The following HPS3 variants were observed in gnomAD, a reference collection of about 807,000 sequenced individuals.
HPS3 encodes the protein BLOC-2 complex member HPS3.
A neutral mutation model predicts 110.9 loss-of-function variants in HPS3; 79 were observed. The observed-to-expected ratio is 0.71, with a 90% CI of 0.59 to 0.86. The LOEUF is 0.86. Among genes scored for constraint, HPS3 ranks in the 40% least tolerant of loss-of-function variants. The probability of loss-of-function intolerance (pLI) is 0.00; values close to 1 mark genes in which losing one functional copy is unlikely to be tolerated. For synonymous variants in HPS3, 428 were observed against 451.0 expected (o/e 0.95, Z 0.65); for missense variants, 1,197 against 1,206.2 (o/e 0.99, Z 0.11).
chr3:149,165,710 T>A (rs1307056352), intron 14 of HPS3, among the ~76,000 whole-genome samples: 1 of 152,182 alleles, frequency 6.6e-6, no homozygotes, highest in African/African-American at 2.4e-5. Flanking sequence ...AAGTTATGAC[T>A]ACTTTCATTT....
Position 149,163,854 on chromosome 3 carries a change from A to C in HPS3, c.2494A>C (p.Ser832Arg), listed in dbSNP as rs1199235899. 2.6e-6 allele frequency: 4 copies of C among 1,538,514 alleles called. No homozygotes were observed. The highest frequency in any genetic ancestry group is 2.3e-5 in the East Asian group (1 of 44,382). ...TTTTATGTTTTAGATAAATGCCTGT[A>C]GTCATTATGGCTTAATTTATCCATG... Reference protein sequence around the residue: ...RTSEDLINACSHYGLIYPWVH... With the variant: ...RTSEDLINACRHYGLIYPWVH... Residue 832 changes from serine to arginine, a missense_variant, in exon 14 of 17, where the codon AGT (serine) becomes CGT (arginine). Physicochemically the swap from Ser to Arg is moderately radical, Grantham distance 110. Coordinates refer to ENST00000296051, the MANE Select transcript of HPS3 (RefSeq NM_032383.5).
intron 16 of HPS3, among the ~76,000 whole-genome samples, chr3:149,170,949 AT>A (rs1007773990): frequency 7.9e-5 from 12 of 151,866 alleles, no homozygotes; most frequent in African/African-American, 2.7e-4. Flanking sequence ...ATAAAGTTGC[AT>A]TTTTTTTAAT....
chr3:149,143,248 G>GCCTTTC (rs1553752024), intron 4 of HPS3, among the ~76,000 whole-genome samples: 5 of 152,098 alleles, frequency 3.3e-5, no homozygotes, highest in Non-Finnish European at 7.4e-5. Flanking sequence ...ATCCATAGTG[G>GCCTTTC]CCTTTCCCTC....
intron 6 of HPS3, among the ~76,000 whole-genome samples, chr3:149,151,675 C>G (rs1410943237): frequency 7.1e-6 from 1 of 140,458 alleles, no homozygotes; most frequent in Non-Finnish European, 1.5e-5. Flanking sequence ...TGTTTTCTGA[C>G]TTTGAATTTC....
chr3:149,162,605 G>A (rs1723984573), intron 12 of HPS3, 85 bp from the exon 13 acceptor site: 6 of 1,378,992 alleles, frequency 4.4e-6, no homozygotes, highest in Admixed American at 1.7e-5. Context: ...CGTGGCCCAT[G>A]TGATGCTGTG....
intron 2 of HPS3, 122 bp downstream of exon 2, chr3:149,140,620 CTATTT>C: frequency 9.3e-7 from 1 of 1,073,436 alleles, no homozygotes; most frequent in Non-Finnish European, 1.4e-6. Flanking sequence ...TTAGTTATTC[CTATTT>C]CATGGGATTT....
At chr3:149,131,049 G>A (rs1721733813) in intron 1 of HPS3, among the ~76,000 whole-genome samples, 1 of 150,630 alleles carries the variant, frequency 6.6e-6, no homozygotes, top group Non-Finnish European at 1.5e-5. Flanking sequence ...GAAGATTGGA[G>A]ATCTCTCTCT....
At position 149,140,999 on chromosome 3, in the gene HPS3, A is replaced by C. The variant is rs1722405349; in HGVS notation, c.713-18A>C. The C allele has an allele frequency of 6.2e-7, 1 of 1,610,610 alleles. No individual in the cohort carries two copies. The highest frequency in any genetic ancestry group is 1.7e-5 in the Admixed American group (1 of 59,998). On this transcript the variant is annotated intron_variant, in intron 2 of 16. Coordinates refer to ENST00000296051, the MANE Select transcript of HPS3 (RefSeq NM_032383.5). ...TAATTTTCATTCAAGCAGGACTGTTACATTTTATTTTTTTAAGGCATCAGT... is the reference window on the plus strand; with the variant it reads ...TAATTTTCATTCAAGCAGGACTGTTCCATTTTATTTTTTTAAGGCATCAGT...
chr3:149,150,710 C>A (rs1004248389), intron 6 of HPS3, 30 bp downstream of exon 6: 143 of 1,534,914 alleles, frequency 9.3e-5, no homozygotes, highest in Non-Finnish European at 1.3e-4. Context: ...GATAGTGAAA[C>A]CTTAAGATCA....
At chr3:149,169,887 T>C (rs993396790) in intron 16 of HPS3, among the ~76,000 whole-genome samples, 1 of 152,214 alleles carries the variant, frequency 6.6e-6, no homozygotes, top group Non-Finnish European at 1.5e-5. Flanking sequence ...TTGACAAATA[T>C]TTTCTAGACA....
chr3:149,148,261 C>T (rs560098695), intron 5 of HPS3, among the ~76,000 whole-genome samples: 13 of 151,974 alleles, frequency 8.6e-5, no homozygotes, highest in Admixed American at 2.6e-4. Flanking sequence ...GATAGGTATA[C>T]GCCTAAAGAA....
intron 4 of HPS3, among the ~76,000 whole-genome samples, chr3:149,144,104 C>T (rs868665280): frequency 2.6e-5 from 4 of 151,538 alleles, no homozygotes; most frequent in East Asian, 1.9e-4. Context: ...TTGCCGGGTG[C>T]GGTGGTTCAC....
At position 149,140,197 on chromosome 3, in the gene HPS3, G is replaced by A. The variant is rs776135012; in HGVS notation, c.411G>A (p.Leu137=). ...IIEMPLSEAP[L]CISCCPVKGD... ...AAATGCCGCTTTCGGAGGCCCCCTT[G>A]TGCATTTCCTGTTGCCCTGTGAAAG... The change falls in exon 2 of 17, where the codon TTG becomes TTA. Residue 137 remains leucine (L), a synonymous_variant. Transcript: ENST00000296051. 1.2e-6 allele frequency: 2 copies of A among 1,614,178 alleles called. No individual in the cohort carries two copies. Among genetic ancestry groups the A allele is most frequent in the Admixed American group, 1.7e-5 (1 of 60,022 alleles).
chr3:149,134,034 G>GA (rs1438596413), intron 1 of HPS3, among the ~76,000 whole-genome samples: 1 of 151,892 alleles, frequency 6.6e-6, no homozygotes, highest in African/African-American at 2.4e-5. Context: ...ATTTATAAAA[G>GA]AAAAAACACT....
At chr3:149,147,390 T>C (rs1400576586) in intron 5 of HPS3, among the ~76,000 whole-genome samples, 1 of 152,018 alleles carries the variant, frequency 6.6e-6, no homozygotes, top group East Asian at 1.9e-4. Context: ...TATTAAAGAA[T>C]TAAACTCTGG....
At chr3:149,152,013 T>G (rs1237228147) in intron 6 of HPS3, among the ~76,000 whole-genome samples, 3 of 152,110 alleles carry the variant, frequency 2.0e-5, no homozygotes, top group Non-Finnish European at 4.4e-5. Flanking sequence ...GGTCTCTGAG[T>G]TCCTAGTGAC....
chr3:149,159,761 T>C (rs1193237707), intron 10 of HPS3, among the ~76,000 whole-genome samples: 1 of 152,200 alleles, frequency 6.6e-6, no homozygotes, highest in Non-Finnish European at 1.5e-5. Flanking sequence ...CAAATGTTTA[T>C]TTTCTTCTTC....
chr3:149,172,687 A>C lies in HPS3; in HGVS notation c.*465A>C, dbSNP rs1430898305. Reference sequence around the variant, plus strand: ...TTCCAGATTTCTCTATGTTTTTGAGAAAGATGTTAATGTTTTGCCATGGTA... The same window carrying C: ...TTCCAGATTTCTCTATGTTTTTGAGCAAGATGTTAATGTTTTGCCATGGTA... On this transcript the variant is annotated 3_prime_UTR_variant, in exon 17 of 17. Coordinates refer to ENST00000296051, the MANE Select transcript of HPS3 (RefSeq NM_032383.5). The C allele has an allele frequency of 6.5e-6, 1 of 153,840 alleles. No individual in the cohort carries two copies. Among genetic ancestry groups the C allele is most frequent in the Non-Finnish European group, 1.4e-5 (1 of 68,966 alleles). 9.5% of individuals were successfully genotyped at this position (153,840 alleles called of 1,614,324 possible).
In HPS3 at chr3:149,150,681, G is replaced by A; in HGVS notation, c.1245+1G>A. 1.2e-6 allele frequency: 2 copies of A among 1,610,390 alleles called. No individual in the cohort carries two copies. The highest frequency in any genetic ancestry group is 1.7e-6 in the Non-Finnish European group (2 of 1,176,556). The stretch of plus-strand genomic sequence containing the variant: ...CCCGTACATGGACACCACCCTGAAG[G>A]TAAGAACTGGCTTATGAAGATAGTG... On this transcript the variant is annotated splice_donor_variant, in intron 6 of 16. Transcript: ENST00000296051. LOFTEE classifies it high-confidence loss of function.
Sources: gnomAD v4.1 joint callset for allele counts (sites outside exome capture counted in the v4.1 genomes callset) on GRCh38, gnomAD v4.1.1 for gene constraint, MANE v1.5 for transcripts, NCBI Gene and HGNC (gene_info 2026-07-23, HGNC 2026-07-21) for gene names.